Variants in EPM2A observed in about 807,000 individuals in gnomAD.
EPM2A encodes the protein laforin.
EPM2A carries 21 observed loss-of-function variants against 26.5 expected under a neutral mutation model. That is an observed-to-expected ratio of 0.79 (90% CI 0.56 to 1.14). The LOEUF (loss-of-function observed/expected upper bound fraction) is 1.14. EPM2A is among the 50% of genes most tolerant of loss of function. The pLI, the probability that EPM2A is intolerant of heterozygous loss-of-function variation, is 0.00. For missense variants in EPM2A, 458 were observed against 440.8 expected (o/e 1.04, Z -0.35); for synonymous variants, 217 against 177.6 (o/e 1.22, Z -1.76).
intron 2 of EPM2A, among the ~76,000 whole-genome samples, chr6:145,505,158 G>A (rs951974332): frequency 3.4e-5 from 5 of 147,744 alleles, no homozygotes; most frequent in African/African-American, 7.5e-5. Context: ...TGACGCGTTA[G>A]TGGGTGCAGT....
At chr6:145,671,411 G>C (rs1342223510) in intron 2 of EPM2A, 1 of 992,508 alleles carries the variant, frequency 1.0e-6, no homozygotes, top group Non-Finnish European at 1.2e-6. Context: ...TGAAAGCAGA[G>C]AAGCTGATAT....
At chr6:145,662,177 CTCTT>C (rs1190182899) in intron 2 of EPM2A, among the ~76,000 whole-genome samples, 1 of 152,148 alleles carries the variant, frequency 6.6e-6, no homozygotes, top group Admixed American at 6.5e-5. Flanking sequence ...TCTCTTCTCT[CTCTT>C]TCTAATTTGT....
rs796052431 is a variant in EPM2A at position 145,735,495 on chromosome 6, G to T, written c.4C>A (p.Arg2Ser). 3 of 1,188,430 alleles carry T rather than the reference G, an allele frequency of 2.5e-6. No individual in the cohort carries two copies. Among genetic ancestry groups the T allele is most frequent in the Non-Finnish European group, 3.1e-6 (3 of 960,508 alleles). The allele number at this position is 1,188,430 out of a possible 1,614,324, so 73.6% of individuals were successfully genotyped here. A position where few individuals can be genotyped will look rare whatever the true frequency, so the allele number is the denominator to read the frequency against. The change falls in exon 1 of 4, where the codon CGC becomes AGC. Residue 2 changes from arginine to serine, a missense_variant. Physicochemically the swap from Arg to Ser is moderately radical, Grantham distance 110. Coordinates refer to ENST00000367519, the MANE Select transcript of EPM2A (RefSeq NM_005670.4). M[R>S]FRFGVVVPPA... ...GGCACCACCACCCCAAAGCGGAAGC[G>T]CATGGCGGGCGGCGGCGGCGCGAAT...
chr6:145,452,080 C>T (rs891926051), intron 4 of EPM2A, among the ~76,000 whole-genome samples: 1 of 152,194 alleles, frequency 6.6e-6, no homozygotes, highest in Non-Finnish European at 1.5e-5. Context: ...CTTTTACACC[C>T]TGGCTCTCTT....
intron 2 of EPM2A, among the ~76,000 whole-genome samples, chr6:145,510,702 C>CA (rs965793162): frequency 6.6e-6 from 1 of 151,518 alleles, no homozygotes; most frequent in African/African-American, 2.4e-5. Flanking sequence ...CAAAAACAAA[C>CA]AAAAAAATAA....
chr6:145,491,695 G>C, intron 4 of EPM2A: 1 of 452,158 alleles, frequency 2.2e-6, no homozygotes, highest in South Asian at 1.7e-5. Flanking sequence ...GACCCTTGCC[G>C]GGGACCTGTC....
At chr6:145,556,433 T>C (rs969814613) in intron 2 of EPM2A, among the ~76,000 whole-genome samples, 1 of 152,164 alleles carries the variant, frequency 6.6e-6, no homozygotes, top group East Asian at 1.9e-4. Context: ...GATAAACAGC[T>C]TGTCTAAATT....
intron 2 of EPM2A, among the ~76,000 whole-genome samples, chr6:145,562,208 G>C (rs1367566830): frequency 6.7e-6 from 1 of 150,292 alleles, no homozygotes; most frequent in African/African-American, 2.4e-5. Context: ...TTACCTCATA[G>C]CCATTTCAGT....
intron 4 of EPM2A, among the ~76,000 whole-genome samples, chr6:145,487,413 G>A (rs149221380): frequency 3.0e-4 from 45 of 152,224 alleles, no homozygotes; most frequent in East Asian, 2.3e-3. Flanking sequence ...TTGAGGAATC[G>A]CCACACTGTC....
intron 1 of EPM2A, among the ~76,000 whole-genome samples, chr6:145,709,403 C>A (rs560851454): frequency 6.6e-6 from 1 of 152,258 alleles, no homozygotes; most frequent in East Asian, 1.9e-4. Context: ...CTTCTCTCAT[C>A]CTGTTCTCGT....
At chr6:145,505,108 G>C (rs1367714791) in intron 2 of EPM2A, among the ~76,000 whole-genome samples, 74 of 117,508 alleles carry the variant, frequency 6.3e-4, no homozygotes, top group African/African-American at 2.2e-3. Flanking sequence ...GGTGGGGGGA[G>C]GGGGGAGGGA....
chr6:145,471,752 A>T (rs1779476622), intron 4 of EPM2A, among the ~76,000 whole-genome samples: 2 of 152,128 alleles, frequency 1.3e-5, no homozygotes, highest in Non-Finnish European at 2.9e-5. Flanking sequence ...TCCAAACTTG[A>T]GTGCCCACAA....
intron 2 of EPM2A, among the ~76,000 whole-genome samples, chr6:145,660,702 T>G (rs1448060512): frequency 6.6e-6 from 1 of 152,070 alleles, no homozygotes; most frequent in East Asian, 1.9e-4. Context: ...CTCGAGAGGC[T>G]GAAGCAGGAG....
chr6:145,444,928 A>ATTT (rs61536586), intron 4 of EPM2A, among the ~76,000 whole-genome samples: 1 of 150,750 alleles, frequency 6.6e-6, no homozygotes, highest in Non-Finnish European at 1.5e-5. Flanking sequence ...GAAAATTTAG[A>ATTT]TTTTTTTTTT....
At chr6:145,457,341 G>A (rs925133642) in intron 4 of EPM2A, among the ~76,000 whole-genome samples, 2 of 151,820 alleles carry the variant, frequency 1.3e-5, no homozygotes, top group African/African-American at 2.4e-5. Flanking sequence ...AACATTAGCA[G>A]GGCATGGTGG....
intron 1 of EPM2A, among the ~76,000 whole-genome samples, chr6:145,701,177 A>G (rs1199257901): frequency 6.6e-6 from 1 of 152,250 alleles, no homozygotes; most frequent in African/African-American, 2.4e-5. Flanking sequence ...CTACACATGT[A>G]TAAGAAACAA....
At chr6:145,414,539 C>T (rs1412983398) in intron 4 of EPM2A, among the ~76,000 whole-genome samples, 1 of 152,020 alleles carries the variant, frequency 6.6e-6, no homozygotes, top group African/African-American at 2.4e-5. Flanking sequence ...CTTTTAATTT[C>T]TCATAGAGGA....
At chr6:145,595,765 T>C (rs1781334604) in intron 2 of EPM2A, among the ~76,000 whole-genome samples, 1 of 152,168 alleles carries the variant, frequency 6.6e-6, no homozygotes, top group African/African-American at 2.4e-5. Flanking sequence ...AGTGATATTA[T>C]AGCAAATAAT....
intron 2 of EPM2A, among the ~76,000 whole-genome samples, chr6:145,592,279 C>G (rs1282807325): frequency 1.3e-5 from 2 of 151,116 alleles, no homozygotes; most frequent in East Asian, 2.0e-4. Context: ...TCTGTCCTTG[C>G]CATAGTCTGC....
Sources: gnomAD v4.1 joint callset for allele counts (sites outside exome capture counted in the v4.1 genomes callset) on GRCh38, gnomAD v4.1.1 for gene constraint, MANE v1.5 for transcripts, NCBI Gene and HGNC (gene_info 2026-07-23, HGNC 2026-07-21) for gene names.